PPM1H: variants seen among roughly 807,000 people sequenced by gnomAD.
PPM1H encodes the protein protein phosphatase 1H.
Under a neutral mutation model 54.9 loss-of-function variants are expected in PPM1H, and 27 were observed. The observed-to-expected ratio is 0.49, with a 90% CI of 0.36 to 0.68. PPM1H has a LOEUF of 0.68. PPM1H is among the 30% of genes least tolerant of loss of function. The pLI, the probability that PPM1H is intolerant of heterozygous loss-of-function variation, is 0.00. For synonymous variants in PPM1H, 305 were observed against 270.8 expected (o/e 1.13, Z -1.24); for missense variants, 596 against 667.8 (o/e 0.89, Z 1.19).
At chr12:62,730,653 CT>C (rs200254759) in intron 5 of PPM1H, among the ~76,000 whole-genome samples, 2,422 of 147,992 alleles carry the variant, frequency 0.016, 37 homozygotes, top group East Asian at 0.087. Flanking sequence ...CAATACAAAA[CT>C]TTTTTTTTTT....
intron 4 of PPM1H, among the ~76,000 whole-genome samples, chr12:62,784,822 T>C (rs762769211): frequency 2.0e-5 from 3 of 152,226 alleles, no homozygotes; most frequent in South Asian, 2.1e-4. Flanking sequence ...TCAGTATCTA[T>C]TGTTTGTAAA....
intron 1 of PPM1H, among the ~76,000 whole-genome samples, chr12:62,877,423 A>G (rs1376717307): frequency 6.6e-6 from 1 of 152,184 alleles, no homozygotes; most frequent in East Asian, 1.9e-4. Flanking sequence ...AGCGCTCAAC[A>G]TCTGCTTCTA....
At chr12:62,819,934 G>A (rs2076892015) in intron 2 of PPM1H, among the ~76,000 whole-genome samples, 1 of 152,188 alleles carries the variant, frequency 6.6e-6, no homozygotes, top group Admixed American at 6.5e-5. Flanking sequence ...TGGACAGTGA[G>A]TGCAGCCCAA....
intron 1 of PPM1H, among the ~76,000 whole-genome samples, chr12:62,855,997 C>T (rs1041113242): frequency 1.3e-5 from 2 of 152,178 alleles, no homozygotes; most frequent in African/African-American, 4.8e-5. Context: ...CTTCCAAATG[C>T]ACTGTGAATG....
At chr12:62,909,370 C>G (rs894606071) in intron 1 of PPM1H, among the ~76,000 whole-genome samples, 36 of 152,286 alleles carry the variant, frequency 2.4e-4, no homozygotes, top group African/African-American at 8.7e-4. Context: ...TCCCACTGAC[C>G]TTCCATCTCA....
chr12:62,811,711 C>T (rs2076836482), intron 2 of PPM1H, among the ~76,000 whole-genome samples: 1 of 152,148 alleles, frequency 6.6e-6, no homozygotes, highest in Non-Finnish European at 1.5e-5. Flanking sequence ...GGCTTTCCCT[C>T]CCCTTTGCTC....
At chr12:62,895,526 G>A (rs1565822595) in intron 1 of PPM1H, among the ~76,000 whole-genome samples, 1 of 152,106 alleles carries the variant, frequency 6.6e-6, no homozygotes, top group African/African-American at 2.4e-5. Context: ...GTTTGCATAG[G>A]GTTTGTTTGT....
At chr12:62,764,646 CGTGCCAGGCACT>C (rs1418021278) in intron 4 of PPM1H, among the ~76,000 whole-genome samples, 1 of 152,048 alleles carries the variant, frequency 6.6e-6, no homozygotes, top group Non-Finnish European at 1.5e-5. Context: ...CCTCCTACTT[CGTGCCAGGCACT>C]GTACTAGGCA....
intron 9 of PPM1H, among the ~76,000 whole-genome samples, chr12:62,662,026 C>A (rs1386071357): frequency 6.6e-6 from 1 of 152,200 alleles, no homozygotes; most frequent in Non-Finnish European, 1.5e-5. Context: ...TCTTTCCCAT[C>A]CTGTTTGTTC....
intron 8 of PPM1H, among the ~76,000 whole-genome samples, chr12:62,671,276 T>G (rs1284234075): frequency 6.6e-6 from 1 of 152,140 alleles, no homozygotes; most frequent in Non-Finnish European, 1.5e-5. Flanking sequence ...CAGAAACGGC[T>G]TTGAAGTGGG....
chr12:62,823,149 A>C (rs907972783), intron 2 of PPM1H, among the ~76,000 whole-genome samples: 2 of 152,210 alleles, frequency 1.3e-5, no homozygotes, highest in African/African-American at 2.4e-5. Flanking sequence ...ATATAGAAAA[A>C]TGGATAAATT....
intron 1 of PPM1H, among the ~76,000 whole-genome samples, chr12:62,884,047 G>A (rs142948733): frequency 4.6e-5 from 7 of 152,220 alleles, no homozygotes; most frequent in South Asian, 2.1e-4. Flanking sequence ...AAGTCCCAGA[G>A]GGAATCACAC....
At chr12:62,930,842 T>C (rs1872111455) in intron 1 of PPM1H, among the ~76,000 whole-genome samples, 1 of 151,988 alleles carries the variant, frequency 6.6e-6, no homozygotes, top group Non-Finnish European at 1.5e-5. Context: ...TATCTATAAC[T>C]ACAATGCTTT....
intron 1 of PPM1H, among the ~76,000 whole-genome samples, chr12:62,851,978 A>G (rs140161483): frequency 2.0e-3 from 311 of 151,730 alleles, no homozygotes; most frequent in African/African-American, 7.0e-3. Flanking sequence ...TCACGCCTGT[A>G]ATCCCAGCAC....
chr12:62,689,873 T>C, intron 7 of PPM1H, 67 bp from the exon 8 acceptor site: 2 of 1,140,844 alleles, frequency 1.8e-6, no homozygotes, highest in South Asian at 1.4e-5. Flanking sequence ...CCAGTGCAGC[T>C]GCCTGGGCTA....
chr12:62,659,159 A>C, intron 9 of PPM1H: 1 of 708,908 alleles, frequency 1.4e-6, no homozygotes, highest in Non-Finnish European at 2.6e-6. Flanking sequence ...TTGTGGAAAG[A>C]GCTGCCCAGC....
chr12:62,801,783 G>T (rs777935990), intron 3 of PPM1H, 33 bp downstream of exon 3: 6 of 1,608,300 alleles, frequency 3.7e-6, no homozygotes, highest in Non-Finnish European at 5.1e-6. Flanking sequence ...CGCCAGCCTG[G>T]CCCTGCTGCC....
intron 1 of PPM1H, among the ~76,000 whole-genome samples, chr12:62,892,300 C>T (rs776547851): frequency 6.6e-6 from 1 of 152,164 alleles, no homozygotes; most frequent in Non-Finnish European, 1.5e-5. Flanking sequence ...ATTGGACATA[C>T]CAGCCTCTTA....
chr12:62,774,573 C>T (rs2076598766), intron 4 of PPM1H, among the ~76,000 whole-genome samples: 2 of 152,108 alleles, frequency 1.3e-5, no homozygotes, highest in Non-Finnish European at 2.9e-5. Context: ...AACTCCTGGA[C>T]TCAAATTATT....
Sources: allele counts gnomAD v4.1 joint callset (sites outside exome capture counted in the v4.1 genomes callset), GRCh38; gene constraint gnomAD v4.1.1; transcripts MANE v1.5; gene names NCBI Gene and HGNC (gene_info 2026-07-23, HGNC 2026-07-21).